Variants in PRDM16 observed in about 807,000 individuals in gnomAD.
PRDM16 encodes the protein histone-lysine N-methyltransferase PRDM16.
PRDM16 carries 23 observed loss-of-function variants against 110.6 expected under a neutral mutation model. The observed-to-expected ratio is 0.21, with a 90% CI of 0.15 to 0.29. PRDM16 has a LOEUF of 0.29. Ranked by LOEUF, PRDM16 falls within the 10% of genes least tolerant of loss-of-function variation. PRDM16 has a pLI of 1.00. For synonymous variants in PRDM16, 799 were observed against 781.8 expected, an observed-to-expected ratio of 1.02 and a Z score of -0.37; for missense variants, 1,615 against 1,794.3, an observed-to-expected ratio of 0.90 and a Z score of 1.81.
chr1:3,117,538 C>T (rs565723028), intron 1 of PRDM16, among the ~76,000 whole-genome samples: 3 of 152,146 alleles, frequency 2.0e-5, no homozygotes, highest in African/African-American at 7.2e-5. Context: ...ACGCAGGCCT[C>T]GCCTATGCTG....
At chr1:3,279,925 C>T (rs561058088) in intron 3 of PRDM16, among the ~76,000 whole-genome samples, 1 of 150,226 alleles carries the variant, frequency 6.7e-6, no homozygotes, top group South Asian at 2.1e-4. Flanking sequence ...TTCCCCATGA[C>T]GTCAGCCGAG....
intron 2 of PRDM16, among the ~76,000 whole-genome samples, chr1:3,198,324 G>A (rs1417912925): frequency 6.6e-6 from 1 of 152,258 alleles, no homozygotes; most frequent in Non-Finnish European, 1.5e-5. Context: ...GCTGCAAGCC[G>A]GCACCCTTGC....
intron 3 of PRDM16, among the ~76,000 whole-genome samples, chr1:3,349,377 C>T (rs1026310544): frequency 5.3e-5 from 8 of 152,174 alleles, no homozygotes; most frequent in African/African-American, 1.7e-4. Context: ...ATGAGGTCAT[C>T]GCCGAAGCTG....
At chr1:3,095,396 C>A (rs566815289) in intron 1 of PRDM16, among the ~76,000 whole-genome samples, 1 of 152,182 alleles carries the variant, frequency 6.6e-6, no homozygotes, top group East Asian at 1.9e-4. Context: ...TCAGACCTAC[C>A]CTCATGGGTC....
At chr1:3,181,694 TCTTACACAC>T (rs1644199365) in intron 1 of PRDM16, among the ~76,000 whole-genome samples, 1 of 138,478 alleles carries the variant, frequency 7.2e-6, no homozygotes, top group Non-Finnish European at 1.5e-5. Flanking sequence ...TTACACACGG[TCTTACACAC>T]GGTCTTACAC....
chr1:3,097,525 C>T (rs1642432064), intron 1 of PRDM16, among the ~76,000 whole-genome samples: 1 of 152,108 alleles, frequency 6.6e-6, no homozygotes, highest in Admixed American at 6.5e-5. Context: ...CAGCACCAGC[C>T]AACATCACAC....
intron 1 of PRDM16, among the ~76,000 whole-genome samples, chr1:3,086,005 A>G (rs1291608617): frequency 7.2e-5 from 11 of 152,242 alleles, no homozygotes; most frequent in Non-Finnish European, 1.5e-4. Context: ...TCTGGGCCAT[A>G]GGCTGGGCAC....
At chr1:3,215,845 G>A (rs149907260) in intron 2 of PRDM16, among the ~76,000 whole-genome samples, 273 of 152,258 alleles carry the variant, frequency 1.8e-3, no homozygotes, top group Non-Finnish European at 2.7e-3. Context: ...AACAAGGGGC[G>A]CATTCTTCCC....
At chr1:3,410,766 G>C (rs1643671320) in intron 8 of PRDM16, among the ~76,000 whole-genome samples, 1 of 152,196 alleles carries the variant, frequency 6.6e-6, no homozygotes, top group Admixed American at 6.5e-5. Context: ...GACGAAGGCA[G>C]GGCGGGCCCT....
intron 3 of PRDM16, among the ~76,000 whole-genome samples, chr1:3,298,796 C>T (rs949627749): frequency 1.3e-5 from 2 of 152,120 alleles, no homozygotes; most frequent in Non-Finnish European, 1.5e-5. Context: ...ACCAAGGGGC[C>T]GTAGACCAAG....
chr1:3,203,704 C>T (rs1371699521), intron 2 of PRDM16, among the ~76,000 whole-genome samples: 1 of 152,194 alleles, frequency 6.6e-6, no homozygotes, highest in East Asian at 1.9e-4. Context: ...GTCCACATGT[C>T]CCCTTTGGGT....
At position 3,404,899 on chromosome 1, in the gene PRDM16, G is replaced by A. The variant is rs1011450052; in HGVS notation, c.1032+13G>A. On this transcript the variant is annotated intron_variant, in intron 7 of 16. Transcript: ENST00000270722. ...AAACTGCGTGAAGGTAACCTGCGGG[G>A]CGGCCCCGTCTCAGCCCCGGGGCAG... 8 of 1,611,452 alleles carry A rather than the reference G, an allele frequency of 5.0e-6. No individual in the cohort carries two copies. Among genetic ancestry groups the A allele is most frequent in the Non-Finnish European group, 6.8e-6 (8 of 1,179,394 alleles).
At position 3,129,753 on chromosome 1, in the gene PRDM16, A is replaced by C. The variant is rs1643295233; in HGVS notation, c.38-56372A>C. On this transcript the variant is annotated intron_variant, in intron 1 of 16. Coordinates refer to ENST00000270722, the MANE Select transcript of PRDM16 (RefSeq NM_022114.4). Reference sequence around the variant, plus strand: ...GGAGCAGAAATCCCTGGAAGAGAAAAGAGAATTGGGGTTTCAGAACCCCTT... The same window carrying C: ...GGAGCAGAAATCCCTGGAAGAGAAACGAGAATTGGGGTTTCAGAACCCCTT... Among the ~76,000 whole-genome samples, 3 of 152,170 alleles carry C rather than the reference A, an allele frequency of 2.0e-5. No individual in the cohort carries two copies. In the South Asian group the frequency reaches 6.2e-4, roughly 32 times the overall value.
chr1:3,278,978 C>T (rs924350370), intron 3 of PRDM16, among the ~76,000 whole-genome samples: 4 of 152,232 alleles, frequency 2.6e-5, no homozygotes, highest in Admixed American at 6.5e-5. Flanking sequence ...CCGAGCGCGG[C>T]GCTGGCCGTG....
chr1:3,117,111 A>C (rs1642980408), intron 1 of PRDM16, among the ~76,000 whole-genome samples: 1 of 152,108 alleles, frequency 6.6e-6, no homozygotes, highest in Admixed American at 6.5e-5. Context: ...CCTCGGTGGG[A>C]GGAGCCCCTC....
intron 3 of PRDM16, among the ~76,000 whole-genome samples, chr1:3,360,276 C>T (rs959598072): frequency 3.9e-5 from 6 of 152,198 alleles, no homozygotes; most frequent in East Asian, 1.9e-4. Flanking sequence ...TCTTCTGGAG[C>T]CTGTGCTGGC....
chr1:3,319,651 C>T (rs1031270219), intron 3 of PRDM16, among the ~76,000 whole-genome samples: 1 of 152,280 alleles, frequency 6.6e-6, no homozygotes, highest in East Asian at 1.9e-4. Flanking sequence ...CTAATCTACC[C>T]CTTTGCTGGC....
intron 3 of PRDM16, among the ~76,000 whole-genome samples, chr1:3,288,614 G>C (rs962022551): frequency 6.6e-6 from 1 of 152,092 alleles, no homozygotes; most frequent in African/African-American, 2.4e-5. Flanking sequence ...GTCCTGGTGG[G>C]ACCGAGGCCA....
chr1:3,191,588 AG>A (rs1245104836), intron 2 of PRDM16, among the ~76,000 whole-genome samples: 1 of 152,238 alleles, frequency 6.6e-6, no homozygotes, highest in Non-Finnish European at 1.5e-5. Context: ...CCAGCCTTGA[AG>A]AAAGGCAGGA....
Sources: gnomAD v4.1 joint callset for allele counts (sites outside exome capture counted in the v4.1 genomes callset) on GRCh38, gnomAD v4.1.1 for gene constraint, MANE v1.5 for transcripts, NCBI Gene and HGNC (gene_info 2026-07-23, HGNC 2026-07-21) for gene names.